The following CHD7 variants were observed in gnomAD, a reference collection of about 807,000 sequenced individuals.
CHD7 encodes ATP-dependent chromatin remodeler CHD7.
CHD7 carries 24 observed loss-of-function variants against 307.3 expected under a neutral mutation model. The observed-to-expected ratio is 0.08, with a 90% CI of 0.06 to 0.11. The LOEUF is 0.11. Ranked by LOEUF, CHD7 falls within the 10% of genes least tolerant of loss-of-function variation. The pLI, the probability that CHD7 is intolerant of heterozygous loss-of-function variation, is 1.00. For missense variants in CHD7, 3,106 were observed against 3,727.1 expected (o/e 0.83, Z 4.34); for synonymous variants, 1,363 against 1,349.9 (o/e 1.01, Z -0.21).
intron 1 of CHD7, among the ~76,000 whole-genome samples, chr8:60,695,470 C>T (rs545651490): frequency 6.6e-6 from 1 of 152,286 alleles, no homozygotes; most frequent in African/African-American, 2.4e-5. Flanking sequence ...AAGAGGGCTA[C>T]AGAAATGCAG....
intron 23 of CHD7, among the ~76,000 whole-genome samples, chr8:60,847,736 TG>T (rs1284556807): frequency 6.6e-6 from 1 of 152,202 alleles, no homozygotes; most frequent in Non-Finnish European, 1.5e-5. Flanking sequence ...CATGCAGGAC[TG>T]AAAATCTAGT....
At chr8:60,813,436 A>G (rs745584158) in intron 7 of CHD7, among the ~76,000 whole-genome samples, 1 of 152,198 alleles carries the variant, frequency 6.6e-6, no homozygotes, top group African/African-American at 2.4e-5. Context: ...CTCAAATACA[A>G]TATTGAATAA....
intron 13 of CHD7, among the ~76,000 whole-genome samples, chr8:60,826,354 AC>A (rs1165469326): frequency 6.6e-6 from 1 of 152,244 alleles, no homozygotes; most frequent in Non-Finnish European, 1.5e-5. Flanking sequence ...TCAAGATGGA[AC>A]ACATTATTGT....
In CHD7 at chr8:60,739,504, T is replaced by C. The variant is rs573730093; in HGVS notation, c.-174-1755T>C. Among the ~76,000 whole-genome samples, 6 of 152,354 alleles carry C rather than the reference T, an allele frequency of 3.9e-5. No individual in the cohort carries two copies. In the South Asian group the frequency reaches 6.2e-4, roughly 16 times the overall value. On this transcript the variant is annotated intron_variant, in intron 1 of 37. Transcript: ENST00000423902. ...GTAAAGCAGCGTGTTTTCAGTAAAA[T>C]AGCTTTCATGCTCACCTTATTTTCA...
At chr8:60,795,193 A>AGT in intron 4 of CHD7, 66 bp downstream of exon 4, 1 of 1,481,064 alleles carries the variant, frequency 6.8e-7, no homozygotes, top group Middle Eastern at 1.8e-4. Flanking sequence ...CCATGTATGA[A>AGT]GTACACAAGA....
chr8:60,763,645 G>A (rs777454294), intron 2 of CHD7, among the ~76,000 whole-genome samples: 3 of 152,172 alleles, frequency 2.0e-5, no homozygotes, highest in African/African-American at 4.8e-5. Flanking sequence ...TTGAGATTTC[G>A]TTGAGACATT....
rs757707495 is a variant in CHD7, at chr8:60,865,127, G to A, written c.8188G>A (p.Ala2730Thr). ...CAAAAGTGAGATCGCCAGAGCAGCC[G>A]CGGCCGCCGCTGCTGTGGCCTCCAC... ...RPKSEIARAA[A>T]AAAAVASTSG... The change falls in exon 38 of 38, where the codon GCG becomes ACG. Residue 2730 changes from alanine to threonine, a missense_variant. Ala to Thr is a moderately conservative substitution (Grantham distance 58). Around this residue, in one of 10 missense-constraint regions of CHD7, gnomAD observed 351 missense variants for 366.2 expected, o/e 0.96. Coordinates refer to ENST00000423902, the MANE Select transcript of CHD7 (RefSeq NM_017780.4). This position sits in a 1 kb window ranked among gnomAD's most constrained non-coding sequence, Gnocchi z 4.3. 15 of 1,610,572 alleles carry A rather than the reference G, an allele frequency of 9.3e-6. No individual in the cohort carries two copies. The highest frequency in any genetic ancestry group is 4.0e-5 in the African/African-American group (3 of 74,874).
At chr8:60,847,915 T>C (rs1805285379) in intron 23 of CHD7, among the ~76,000 whole-genome samples, 2 of 152,160 alleles carry the variant, frequency 1.3e-5, no homozygotes, top group Admixed American at 6.5e-5. Context: ...TAACATAGTA[T>C]TTCATACAGG....
intron 1 of CHD7, among the ~76,000 whole-genome samples, chr8:60,739,274 A>G (rs1350701607): frequency 6.6e-6 from 1 of 152,210 alleles, no homozygotes; most frequent in Non-Finnish European, 1.5e-5. Context: ...TTGAAAGGTT[A>G]TTTTGGTAAG....
chr8:60,839,704 C>G (rs181967416), intron 19 of CHD7, among the ~76,000 whole-genome samples: 1 of 152,286 alleles, frequency 6.6e-6, no homozygotes, highest in East Asian at 1.9e-4. Context: ...TATTGAGCAT[C>G]TTTTCATGTG....
chr8:60,798,628 C>A (rs547869918), intron 4 of CHD7, among the ~76,000 whole-genome samples: 2 of 152,280 alleles, frequency 1.3e-5, no homozygotes, highest in African/African-American at 4.8e-5. Flanking sequence ...TTTTGCCTCT[C>A]TCTGCCTTAC....
chr8:60,761,380 A>G (rs1328268376), intron 2 of CHD7, among the ~76,000 whole-genome samples: 1 of 150,906 alleles, frequency 6.6e-6, no homozygotes, highest in Non-Finnish European at 1.5e-5. Context: ...ACTGGGAGAT[A>G]TACCTAATGC....
At chr8:60,794,888 G>A in intron 3 of CHD7, 98 bp from the exon 4 acceptor site, 1 of 1,127,352 alleles carries the variant, frequency 8.9e-7, no homozygotes, top group Non-Finnish European at 1.3e-6. Context: ...GGATTTATCA[G>A]TTGTCATTGA....
chr8:60,736,506 T>A (rs1049917408), intron 1 of CHD7, among the ~76,000 whole-genome samples: 3 of 152,186 alleles, frequency 2.0e-5, no homozygotes, highest in Non-Finnish European at 4.4e-5. Flanking sequence ...TGTGCTGTTT[T>A]TTTAGCTGCA....
chr8:60,744,845 A>T (rs907469815), intron 2 of CHD7, among the ~76,000 whole-genome samples: 1 of 132,194 alleles, frequency 7.6e-6, no homozygotes, highest in Non-Finnish European at 1.6e-5. Context: ...ACAGAGCGAG[A>T]CTCCATCTAA....
At chr8:60,734,244 T>C (rs1808593367) in intron 1 of CHD7, among the ~76,000 whole-genome samples, 1 of 152,198 alleles carries the variant, frequency 6.6e-6, no homozygotes, top group Non-Finnish European at 1.5e-5. Flanking sequence ...AACTTTCACA[T>C]GCACAGGAAT....
At chr8:60,810,685 A>C (rs1467509295) in intron 7 of CHD7, among the ~76,000 whole-genome samples, 1 of 152,122 alleles carries the variant, frequency 6.6e-6, no homozygotes, top group African/African-American at 2.4e-5. Context: ...TGTGACAAAG[A>C]AGCCTATATT....
chr8:60,862,414 T>C (rs1221152354), intron 36 of CHD7, 78 bp downstream of exon 36: 11 of 1,516,464 alleles, frequency 7.3e-6, no homozygotes, highest in Middle Eastern at 1.7e-4. Flanking sequence ...CCTTCTTCTA[T>C]AGGGGAAAAG....
In CHD7 at chr8:60,856,180, C is replaced by G. The variant is rs763644892; in HGVS notation, c.7142C>G (p.Thr2381Ser). The G allele has an allele frequency of 1.3e-6, 2 of 1,595,520 alleles. No individual in the cohort carries two copies. Among genetic ancestry groups the G allele is most frequent in the Non-Finnish European group, 1.7e-6 (2 of 1,170,326 alleles). ...AGCATTAGTGGGAGTGAGGACATCACTACGTCTCCTCAGTTGTCAAAGGTG... is the reference window on the plus strand; with the variant it reads ...AGCATTAGTGGGAGTGAGGACATCAGTACGTCTCCTCAGTTGTCAAAGGTG... ...QASISGSEDI[T>S]TSPQLSKEDA... is the part of the protein sequence containing the mutation. The change falls in exon 33 of 38, where the codon ACT becomes AGT. Residue 2381 changes from threonine (T) to serine (S), a missense_variant. Thr to Ser is a moderately conservative substitution (Grantham distance 58). Transcript: ENST00000423902.
Sources: allele counts gnomAD v4.1 joint callset (sites outside exome capture counted in the v4.1 genomes callset), GRCh38; gene constraint gnomAD v4.1.1; regional missense constraint gnomAD v4.1.1; non-coding constraint Gnocchi (gnomAD v3.1); transcripts MANE v1.5; gene names NCBI Gene and HGNC (gene_info 2026-07-23, HGNC 2026-07-21).